The following CDH10 variants were observed in gnomAD, a reference collection of about 807,000 sequenced individuals.
CDH10 encodes cadherin 10.
Under a neutral mutation model 73.1 loss-of-function variants are expected in CDH10, and 30 were observed. The ratio of observed to expected loss-of-function variants is 0.41; its 90% CI spans 0.31 to 0.56. The LOEUF (loss-of-function observed/expected upper bound fraction) is 0.56. Among genes scored for constraint, CDH10 ranks in the 20% least tolerant of loss-of-function variants. CDH10 has a pLI of 0.27. For synonymous variants in CDH10, 345 were observed against 348.2 expected (o/e 0.99, Z 0.10); for missense variants, 815 against 973.7 (o/e 0.84, Z 2.17).
intron 1 of CDH10, among the ~76,000 whole-genome samples, chr5:24,599,528 T>TA (rs1412744037): frequency 1.3e-5 from 2 of 152,198 alleles, no homozygotes; most frequent in Non-Finnish European, 2.9e-5. Flanking sequence ...TAAACTAACT[T>TA]ACTATGCACT....
chr5:24,491,410 T>C (rs1390792637), intron 11 of CDH10, among the ~76,000 whole-genome samples, 166 bp downstream of exon 11: 3 of 152,160 alleles, frequency 2.0e-5, no homozygotes, highest in Admixed American at 2.0e-4. Context: ...TATTCGTATA[T>C]ATTCCGATCA....
rs371405168 is a variant in CDH10 at position 24,626,231 on chromosome 5, GTT to G, written c.-124+18361_-124+18362del. On this transcript the variant is annotated intron_variant, in intron 1 of 11. Coordinates refer to ENST00000264463, the MANE Select transcript of CDH10 (RefSeq NM_006727.5). ...TAGGCACTGGGAGCTAACAGAGAGA[GTT>G]TTAGACATTGGTAGGCTTGAAGTAA... 5.2e-4 allele frequency among the ~76,000 whole-genome samples: 79 copies of G among 152,244 alleles called. No individual in the cohort carries two copies. In the South Asian group the frequency reaches 0.016, roughly 31 times the overall value.
At chr5:24,590,087 C>T (rs1308229325) in intron 2 of CDH10, among the ~76,000 whole-genome samples, 1 of 151,912 alleles carries the variant, frequency 6.6e-6, no homozygotes, top group East Asian at 1.9e-4. Context: ...AGCTCTTACA[C>T]TAAATATATT....
At chr5:24,614,272 A>G (rs1202808084) in intron 1 of CDH10, among the ~76,000 whole-genome samples, 1 of 152,184 alleles carries the variant, frequency 6.6e-6, no homozygotes, top group African/African-American at 2.4e-5. Context: ...GCAAACAAGT[A>G]TGGATAATGT....
At chr5:24,531,165 A>C in intron 5 of CDH10, among the ~76,000 whole-genome samples, 1 of 151,982 alleles carries the variant, frequency 6.6e-6, no homozygotes, top group Non-Finnish European at 1.5e-5. Flanking sequence ...TGTTCAGGTG[A>C]AATATCACCT....
rs34611268 is a variant in CDH10, at chr5:24,635,005, GAA to G, written c.-124+9587_-124+9588del. On this transcript the variant is annotated intron_variant, in intron 1 of 11. Coordinates refer to ENST00000264463, the MANE Select transcript of CDH10 (RefSeq NM_006727.5). ...TAACATATAAATAGAGCCAAAAAAGGAAAAAAAAAAAACAGAAACAGTGGTTT... is the reference window on the plus strand; with the variant it reads ...TAACATATAAATAGAGCCAAAAAAGGAAAAAAAAAACAGAAACAGTGGTTT... Among the ~76,000 whole-genome samples, 425 of 145,236 alleles carry G rather than the reference GAA, an allele frequency of 2.9e-3. 5 individuals carry two copies. Among genetic ancestry groups the G allele is most frequent in the East Asian group, 0.015 (76 of 4,988 alleles).
intron 5 of CDH10, among the ~76,000 whole-genome samples, chr5:24,516,043 A>T (rs948191658): frequency 6.6e-6 from 1 of 152,152 alleles, no homozygotes; most frequent in Non-Finnish European, 1.5e-5. Context: ...AGTCTTGGGT[A>T]TGTCTTTATT....
intron 1 of CDH10, among the ~76,000 whole-genome samples, chr5:24,624,021 C>T (rs1353223228): frequency 6.6e-6 from 1 of 152,048 alleles, no homozygotes; most frequent in African/African-American, 2.4e-5. Flanking sequence ...GAAGGAAACA[C>T]AGGACATAGC....
At chr5:24,592,774 A>C (rs1189798756) in intron 2 of CDH10, among the ~76,000 whole-genome samples, 1 of 151,810 alleles carries the variant, frequency 6.6e-6, no homozygotes, top group African/African-American at 2.4e-5. Context: ...ACCTAGAATA[A>C]ATTTTCTTAT....
rs750741560 is a variant in CDH10 at position 24,495,691 on chromosome 5, C to CA, written c.1515+2706dup. Among the ~76,000 whole-genome samples the CA allele has an allele frequency of 7.3e-4, 110 of 151,718 alleles. 2 individuals carry two copies. In the Middle Eastern group the frequency reaches 0.014, roughly 19 times the overall value. Reference sequence around the variant, plus strand: ...GTGAAACCCTGCCTCTACTAAAATACAAAAAATCAGGCGGGCGTGGTGGTG... The same window carrying CA: ...GTGAAACCCTGCCTCTACTAAAATACAAAAAAATCAGGCGGGCGTGGTGGTG... On this transcript the variant is annotated intron_variant, in intron 9 of 11. Transcript: ENST00000264463.
At chr5:24,634,529 A>G (rs1174925113) in intron 1 of CDH10, among the ~76,000 whole-genome samples, 2 of 151,840 alleles carry the variant, frequency 1.3e-5, no homozygotes, top group African/African-American at 4.8e-5. Context: ...AAAAAAAACA[A>G]TCCTATAAAA....
chr5:24,511,551 G>GAGAA (rs1561132488), intron 5 of CDH10, 37 bp from the exon 6 acceptor site: 1 of 155,250 alleles, frequency 6.4e-6, no homozygotes, highest in Non-Finnish European at 9.9e-6. Flanking sequence ...GAGACAGAGA[G>GAGAA]AGAGAGAGAG....
intron 2 of CDH10, among the ~76,000 whole-genome samples, chr5:24,545,586 A>ACC (rs1744309488): frequency 6.6e-6 from 1 of 152,126 alleles, no homozygotes; most frequent in Non-Finnish European, 1.5e-5. Context: ...AAACCAAGGC[A>ACC]GAAGGATCTT....
intron 5 of CDH10, among the ~76,000 whole-genome samples, chr5:24,531,794 G>T (rs1743762817): frequency 6.6e-6 from 1 of 152,046 alleles, no homozygotes; most frequent in Non-Finnish European, 1.5e-5. Flanking sequence ...GGTATTTGGT[G>T]CAAGGGTGAT....
chr5:24,622,840 T>C (rs1475137196), intron 1 of CDH10, among the ~76,000 whole-genome samples: 1 of 152,186 alleles, frequency 6.6e-6, no homozygotes, highest in Non-Finnish European at 1.5e-5. Context: ...TTTTTAAAAA[T>C]AAAATCTTCA....
At chr5:24,586,843 C>CT (rs1001227038) in intron 2 of CDH10, among the ~76,000 whole-genome samples, 2,173 of 102,704 alleles carry the variant, frequency 0.021, 202 homozygotes, top group Middle Eastern at 0.055. Flanking sequence ...AGCCCATATT[C>CT]TTTTTTTTTT....
intron 1 of CDH10, among the ~76,000 whole-genome samples, chr5:24,604,892 AAAACAAAAACAAACAAAC>A (rs1746702327): frequency 3.4e-5 from 5 of 147,090 alleles, no homozygotes; most frequent in African/African-American, 1.3e-4. Context: ...AAAAAAAAAA[AAAACAAAAACAAACAAAC>A]AAACAAAAGA....
chr5:24,576,912 C>T (rs949718004), intron 2 of CDH10, among the ~76,000 whole-genome samples: 5 of 151,698 alleles, frequency 3.3e-5, no homozygotes, highest in Non-Finnish European at 7.4e-5. Context: ...AACATCTGTC[C>T]ATGCCATGAT....
chr5:24,575,975 G>A (rs1237253946), intron 2 of CDH10, among the ~76,000 whole-genome samples: 1 of 151,904 alleles, frequency 6.6e-6, no homozygotes, highest in Non-Finnish European at 1.5e-5. Flanking sequence ...CTTACTGTTT[G>A]TTACCTATTG....
Sources: gnomAD v4.1 joint callset for allele counts (sites outside exome capture counted in the v4.1 genomes callset) on GRCh38, gnomAD v4.1.1 for gene constraint, MANE v1.5 for transcripts, NCBI Gene and HGNC (gene_info 2026-07-23, HGNC 2026-07-21) for gene names.